LRRC8D: variants seen among roughly 807,000 people sequenced by gnomAD.
LRRC8D encodes the protein leucine rich repeat containing 8 VRAC subunit D.
LRRC8D carries 20 observed loss-of-function variants against 55.8 expected under a neutral mutation model. That is an observed-to-expected ratio of 0.36 (90% CI 0.25 to 0.52). The LOEUF (loss-of-function observed/expected upper bound fraction) is 0.52. Among genes scored for constraint, LRRC8D ranks in the 20% least tolerant of loss-of-function variants. LRRC8D has a pLI of 0.93. For synonymous variants in LRRC8D, 352 were observed against 377.0 expected, an observed-to-expected ratio of 0.93 and a Z score of 0.77; for missense variants, 651 against 1,030.8, an observed-to-expected ratio of 0.63 and a Z score of 5.05.
intron 2 of LRRC8D, among the ~76,000 whole-genome samples, chr1:89,890,779 C>A (rs116651399): frequency 7.2e-5 from 11 of 152,292 alleles, no homozygotes; most frequent in African/African-American, 2.6e-4. Context: ...CAAGTTTTGC[C>A]AGTTTTCCTA....
At chr1:89,845,433 C>T (rs908436744) in intron 2 of LRRC8D, among the ~76,000 whole-genome samples, 2 of 152,052 alleles carry the variant, frequency 1.3e-5, no homozygotes, top group South Asian at 2.1e-4. Flanking sequence ...AGAAAGTAAT[C>T]GAGAGAGATT....
intron 2 of LRRC8D, among the ~76,000 whole-genome samples, chr1:89,864,343 C>T (rs539114071): frequency 6.6e-6 from 1 of 152,088 alleles, no homozygotes; most frequent in South Asian, 2.1e-4. Context: ...TGTACAAAGC[C>T]ATCTTTGAAT....
Position 89,900,219 on chromosome 1 carries a change from A to G in LRRC8D, c.-2-32848A>G, listed in dbSNP as rs1662816660. ...AACAAGGTAAATTGGAGAAAACTGG[A>G]TACTTTAGGCAGAGGAAATGCAATG... On this transcript the variant is annotated intron_variant, in intron 2 of 2. Coordinates refer to ENST00000337338, the MANE Select transcript of LRRC8D (RefSeq NM_001134479.2). 3.3e-5 allele frequency among the ~76,000 whole-genome samples: 5 copies of G among 152,220 alleles called. No homozygotes were observed. In the South Asian group the frequency reaches 1.0e-3, roughly 32 times the overall value.
rs756593297 is a variant in LRRC8D, at chr1:89,935,222, C to G, written c.2154C>G (p.Leu718=). The G allele has an allele frequency of 6.2e-7, 1 of 1,614,086 alleles. No individual in the cohort carries two copies. Among genetic ancestry groups the G allele is most frequent in the Admixed American group, 1.7e-5 (1 of 60,020 alleles). Residue 718 remains leucine (L), a synonymous_variant, in exon 3 of 3, where the codon CTC becomes CTG. Coordinates refer to ENST00000337338, the MANE Select transcript of LRRC8D (RefSeq NM_001134479.2). ...LESLYFSNNK[L]ESLPVAVFSL... is the part of the protein sequence containing the mutation. The stretch of plus-strand genomic sequence containing the variant: ...CACTTTATTTCTCTAACAACAAGCT[C>G]GAATCCTTACCAGTGGCAGTATTTA...
At position 89,928,516 on chromosome 1, in the gene LRRC8D, G is replaced by C. The variant is rs187689621; in HGVS notation, c.-2-4551G>C. 2.2e-3 allele frequency among the ~76,000 whole-genome samples: 331 copies of C among 152,306 alleles called. 1 individual carries two copies. Among genetic ancestry groups the C allele is most frequent in the Non-Finnish European group, 3.7e-3 (251 of 68,024 alleles). On this transcript the variant is annotated intron_variant, in intron 2 of 2. Transcript: ENST00000337338. ...AGCAAGGGCACAAAACTTCTGGTGG[G>C]GGGTGGCAGAGTAGACAATGTGCTG...
rs1445749026 is a variant in LRRC8D, at chr1:89,911,069, GAAT to G, written c.-2-21997_-2-21995del. Among the ~76,000 whole-genome samples, 4 of 152,074 alleles carry G rather than the reference GAAT, an allele frequency of 2.6e-5. No individual in the cohort carries two copies. Among genetic ancestry groups the G allele is most frequent in the African/African-American group, 4.8e-5 (2 of 41,386 alleles). On this transcript the variant is annotated intron_variant, in intron 2 of 2. Transcript: ENST00000337338. This position sits in a 1 kb window ranked among gnomAD's most constrained non-coding sequence, Gnocchi z 4.0. ...CAGTGTAATCTGACCTGAGTTCTCT[GAAT>G]GCTTGACCTTCCCAGGGAGTTTCAG...
At chr1:89,891,516 T>C (rs900694156) in intron 2 of LRRC8D, among the ~76,000 whole-genome samples, 2 of 152,230 alleles carry the variant, frequency 1.3e-5, no homozygotes, top group Non-Finnish European at 2.9e-5. Flanking sequence ...TCTCATACTT[T>C]TGCTCACTAC....
At chr1:89,890,112 G>A (rs534323795) in intron 2 of LRRC8D, among the ~76,000 whole-genome samples, 3 of 152,148 alleles carry the variant, frequency 2.0e-5, no homozygotes, top group Non-Finnish European at 4.4e-5. Flanking sequence ...CCATGAAACC[G>A]GGAGGCGGAG....
rs372637181 is a variant in LRRC8D, at chr1:89,934,931, C to T, written c.1863C>T (p.Asp621=). The change falls in exon 3 of 3, where the codon GAC becomes GAT. Residue 621 remains aspartate (D), a synonymous_variant. Transcript: ENST00000337338. The surrounding 1 kb of genome is among the most constrained non-coding windows in gnomAD (Gnocchi z 5.9). ...TTACAAAGTTAGTCATTCATAATGA[C>T]GGCACTAAACTCTTGGTACTGAACA... ...PHLTKLVIHN[D]GTKLLVLNSL... is the part of the protein sequence containing the mutation. 57 of 1,614,008 alleles carry T rather than the reference C, an allele frequency of 3.5e-5. No individual in the cohort carries two copies. The African/African-American group carries it at 4.0e-4, about 11-fold the overall frequency.
At chr1:89,838,219 A>G (rs912774749) in intron 1 of LRRC8D, among the ~76,000 whole-genome samples, 1 of 151,276 alleles carries the variant, frequency 6.6e-6, no homozygotes, top group Non-Finnish European at 1.5e-5. Flanking sequence ...AAGGGGGGAA[A>G]AAAGAAAAAT....
intron 1 of LRRC8D, chr1:89,821,780 A>C (rs1463427102): frequency 1.3e-5 from 2 of 151,398 alleles, no homozygotes; most frequent in South Asian, 2.1e-4. Flanking sequence ...CTTCCTGTGC[A>C]GGGTGGGCTG....
chr1:89,835,595 A>G (rs1484253051), intron 1 of LRRC8D, among the ~76,000 whole-genome samples: 5 of 152,220 alleles, frequency 3.3e-5, no homozygotes, highest in East Asian at 3.8e-4. Context: ...CCTGTCTTCA[A>G]TGACAATCTC....
rs1663126760 is a variant in LRRC8D, at chr1:89,911,197, A to G, written c.-2-21870A>G. On this transcript the variant is annotated intron_variant, in intron 2 of 2. Transcript: ENST00000337338. This position sits in a 1 kb window ranked among gnomAD's most constrained non-coding sequence, Gnocchi z 4.0. ...TTGGGGTTTTTTTTTTTTTAGTTAT[A>G]TAGTTTGTGGAATTATTTTGCAAGT... 6.7e-6 allele frequency among the ~76,000 whole-genome samples: 1 copy of G among 150,180 alleles called. No individual in the cohort carries two copies. The highest frequency in any genetic ancestry group is 6.6e-5 in the Admixed American group (1 of 15,066).
chr1:89,881,965 C>A (rs914997175), intron 2 of LRRC8D, among the ~76,000 whole-genome samples: 1 of 152,152 alleles, frequency 6.6e-6, no homozygotes, highest in African/African-American at 2.4e-5. Context: ...TATCCATATC[C>A]ACTGCCTTGG....
intron 2 of LRRC8D, among the ~76,000 whole-genome samples, chr1:89,852,627 T>G (rs1661447971): frequency 6.6e-6 from 1 of 152,176 alleles, no homozygotes; most frequent in South Asian, 2.1e-4. Flanking sequence ...CAATATATTG[T>G]GACGATAATG....
In LRRC8D at chr1:89,922,674, G is replaced by C. The variant is rs559412516; in HGVS notation, c.-2-10393G>C. 4.6e-5 allele frequency among the ~76,000 whole-genome samples: 7 copies of C among 152,204 alleles called. No homozygotes were observed. In the South Asian group the frequency reaches 1.5e-3, roughly 32 times the overall value. ...TTATTATTAAGATTTTACCAATGAG[G>C]CATGAATGTTAGAGAGGTAATAATA... On this transcript the variant is annotated intron_variant, in intron 2 of 2. Transcript: ENST00000337338.
intron 2 of LRRC8D, among the ~76,000 whole-genome samples, chr1:89,870,723 T>C (rs1229973898): frequency 6.6e-6 from 1 of 152,146 alleles, no homozygotes; most frequent in Non-Finnish European, 1.5e-5. Context: ...GCAGAGGCTT[T>C]CACAGCCATC....
chr1:89,889,823 C>T (rs1662517071), intron 2 of LRRC8D, among the ~76,000 whole-genome samples: 1 of 148,584 alleles, frequency 6.7e-6, no homozygotes, highest in Non-Finnish European at 1.5e-5. Flanking sequence ...GTCGAGGCTG[C>T]AGTGAGCCGA....
intron 2 of LRRC8D, among the ~76,000 whole-genome samples, chr1:89,883,558 G>C (rs767940142): frequency 2.6e-5 from 4 of 152,172 alleles, no homozygotes; most frequent in Non-Finnish European, 5.9e-5. Flanking sequence ...TAAAGTACCT[G>C]CTGAAGAGAG....
Sources: allele counts gnomAD v4.1 joint callset (sites outside exome capture counted in the v4.1 genomes callset), GRCh38; gene constraint gnomAD v4.1.1; non-coding constraint Gnocchi (gnomAD v3.1); transcripts MANE v1.5; gene names NCBI Gene and HGNC (gene_info 2026-07-23, HGNC 2026-07-21).